Variants in NLGN1 observed in about 807,000 individuals in gnomAD.
The protein encoded by NLGN1 is neuroligin-1.
A neutral mutation model predicts 65.5 loss-of-function variants in NLGN1; 12 were observed. That is an observed-to-expected ratio of 0.18 (90% confidence interval 0.12 to 0.30). The LOEUF is 0.30. Ranked by LOEUF, NLGN1 falls within the 10% of genes least tolerant of loss-of-function variation. The pLI is 1.00. For synonymous variants in NLGN1, 350 were observed against 359.5 expected (o/e 0.97, Z 0.30); for missense variants, 750 against 1,007.1 (o/e 0.74, Z 3.46).
At chr3:173,397,191 A>C (rs550886193), upstream of NLGN1, among the ~76,000 whole-genome samples, 5 of 152,254 alleles carry the variant, frequency 3.3e-5, no homozygotes, top group South Asian at 1.0e-3. Flanking sequence ...TCTCAGGAGG[A>C]GTCCACAGTG....
At chr3:174,191,012 T>C (rs1368911905) in intron 4 of NLGN1, among the ~76,000 whole-genome samples, 8 of 152,140 alleles carry the variant, frequency 5.3e-5, no homozygotes, top group African/African-American at 1.9e-4. Context: ...CGTGTGTGTG[T>C]GTGTGCGTGT....
intron 3 of NLGN1, among the ~76,000 whole-genome samples, chr3:173,784,362 T>C (rs1781628026): frequency 6.6e-6 from 1 of 152,186 alleles, no homozygotes; most frequent in Non-Finnish European, 1.5e-5. Context: ...AGTATTTTCA[T>C]TGACAGACTG....
rs950225288 is a variant in NLGN1, at chr3:174,169,538, C to T, written c.647-105777C>T. On this transcript the variant is annotated intron_variant, in intron 4 of 6. Transcript: ENST00000457714. ...ATGGAGCAGAGAGAGTCTTGCTGTA[C>T]CACAATTAATGTGGTAGGAAGGATT... Among the ~76,000 whole-genome samples, 5 of 151,930 alleles carry T rather than the reference C, an allele frequency of 3.3e-5. No individual in the cohort carries two copies. The South Asian group carries it at 8.3e-4, about 25-fold the overall frequency.
intron 4 of NLGN1, among the ~76,000 whole-genome samples, chr3:174,189,421 A>G (rs999174892): frequency 5.3e-5 from 8 of 151,976 alleles, no homozygotes; most frequent in Non-Finnish European, 1.2e-4. Context: ...CCACCAACCA[A>G]TTTGAGTAAT....
chr3:173,598,728 A>G (rs1420560052), intron 2 of NLGN1, among the ~76,000 whole-genome samples: 1 of 152,160 alleles, frequency 6.6e-6, no homozygotes, highest in Non-Finnish European at 1.5e-5. Context: ...TCTTTCTGTC[A>G]TAAGTCAGGC....
intron 4 of NLGN1, among the ~76,000 whole-genome samples, chr3:174,017,145 A>G (rs1314621978): frequency 6.6e-6 from 1 of 152,142 alleles, no homozygotes; most frequent in East Asian, 1.9e-4. Context: ...AGGTGCTTAT[A>G]TTTTGAAAGA....
At chr3:174,071,339 G>A (rs1739811173) in intron 4 of NLGN1, among the ~76,000 whole-genome samples, 1 of 152,122 alleles carries the variant, frequency 6.6e-6, no homozygotes, top group South Asian at 2.1e-4. Context: ...TGAATGCTTA[G>A]TTTTCTTGTA....
intron 2 of NLGN1, among the ~76,000 whole-genome samples, chr3:173,603,181 A>G (rs1371461529): frequency 6.6e-6 from 1 of 152,152 alleles, no homozygotes; most frequent in Admixed American, 6.6e-5. Context: ...TCTAATACAA[A>G]TCAACACTTT....
chr3:173,954,993 T>A lies in NLGN1; in HGVS notation c.646+147161T>A, dbSNP rs146374508. The stretch of plus-strand genomic sequence containing the variant: ...TCTAGGGCCAGGTAGTAAAAGTTTT[T>A]GGCTTTGTGGATCATATGATTTTGG... On this transcript the variant is annotated intron_variant, in intron 4 of 6. Transcript: ENST00000457714. Among the ~76,000 whole-genome samples the A allele has an allele frequency of 3.3e-3, 497 of 152,220 alleles. 2 individuals are homozygous for A. The highest frequency in any genetic ancestry group is 0.011 in the African/African-American group (467 of 41,546).
intron 2 of NLGN1, among the ~76,000 whole-genome samples, chr3:173,594,896 C>T (rs896960738): frequency 6.6e-6 from 1 of 152,150 alleles, no homozygotes; most frequent in African/African-American, 2.4e-5. Context: ...GTACCTTGGC[C>T]CCTTTTAGTC....
chr3:173,640,372 A>G (rs892946670), intron 3 of NLGN1, among the ~76,000 whole-genome samples: 7 of 152,010 alleles, frequency 4.6e-5, no homozygotes, highest in East Asian at 1.9e-4. Context: ...TATATTCTTC[A>G]CCTAAGTTCA....
chr3:173,885,908 A>G (rs1158888585), intron 4 of NLGN1, among the ~76,000 whole-genome samples: 2 of 152,164 alleles, frequency 1.3e-5, no homozygotes, highest in African/African-American at 2.4e-5. Context: ...AGTGATCATT[A>G]TGAAAAACAC....
intron 4 of NLGN1, among the ~76,000 whole-genome samples, chr3:173,988,030 A>T (rs1160664666): frequency 6.6e-6 from 1 of 152,146 alleles, no homozygotes; most frequent in African/African-American, 2.4e-5. Flanking sequence ...ATTTTGGGAA[A>T]ACTCGCCTTT....
At chr3:174,292,234 G>T in the NLGN1 span, among the ~76,000 whole-genome samples, 1 of 151,348 alleles carries the variant, frequency 6.6e-6, no homozygotes, top group South Asian at 2.1e-4. Context: ...TAGTAGCAAT[G>T]AGCATCCTTA....
rs555001523 is a variant in NLGN1 at position 174,255,939 on chromosome 3, G to T, written c.647-19376G>T. Among the ~76,000 whole-genome samples the T allele has an allele frequency of 4.8e-4, 73 of 152,188 alleles. 1 individual carries two copies. Among genetic ancestry groups the T allele is most frequent in the Middle Eastern group, 3.4e-3 (1 of 294 alleles). On this transcript the variant is annotated intron_variant, in intron 4 of 6. Transcript: ENST00000457714. ...CTCCCCAAGTGTTGAGATTACAGGC[G>T]TGAGCCACTGCTCCTGGCCTTCTTC...
chr3:173,991,290 T>G (rs1721046654), intron 4 of NLGN1, among the ~76,000 whole-genome samples: 2 of 152,160 alleles, frequency 1.3e-5, no homozygotes. Flanking sequence ...AGAAAATACC[T>G]TTACAATCAA....
At chr3:173,716,435 A>C (rs1334345852) in intron 3 of NLGN1, among the ~76,000 whole-genome samples, 1 of 152,128 alleles carries the variant, frequency 6.6e-6, no homozygotes, top group Non-Finnish European at 1.5e-5. Context: ...ACTCTCTTAA[A>C]CTTCAGTCCC....
In NLGN1 at chr3:174,045,717, G is replaced by C. The variant is rs1733422446; in HGVS notation, c.647-229598G>C. 2.0e-5 allele frequency among the ~76,000 whole-genome samples: 3 copies of C among 152,084 alleles called. No individual in the cohort carries two copies. In the South Asian group the frequency reaches 6.2e-4, roughly 32 times the overall value. ...ATTTCAAACCAGTATTCCTCTAAAT[G>C]GTAGCTCACTTTCTTTAATGACTTA... On this transcript the variant is annotated intron_variant, in intron 4 of 6. Coordinates refer to ENST00000457714, the Ensembl canonical transcript of NLGN1.
chr3:173,929,677 CT>C (rs558717850), intron 4 of NLGN1, among the ~76,000 whole-genome samples: 18 of 144,772 alleles, frequency 1.2e-4, no homozygotes, highest in Admixed American at 2.8e-4. Flanking sequence ...ACCCAATAAG[CT>C]TTTTTTTTTC....
Sources: allele counts gnomAD v4.1 joint callset (sites outside exome capture counted in the v4.1 genomes callset), GRCh38; gene constraint gnomAD v4.1.1; transcripts MANE v1.5; gene names NCBI Gene and HGNC (gene_info 2026-07-23, HGNC 2026-07-21).